The following EYS variants were observed in gnomAD, a reference collection of about 807,000 sequenced individuals.
The protein encoded by EYS is EGF-like photoreceptor maintenance factor, also known as protein eyes shut homolog.
In EYS, 250 loss-of-function variants were observed where a neutral mutation model predicts 282.1. The observed-to-expected ratio is 0.89, with a 90% CI of 0.80 to 0.98. EYS has a LOEUF of 0.98. EYS is among the 50% of genes least tolerant of loss of function. The pLI is 0.00. For missense variants in EYS, 4,016 were observed against 3,709.0 expected (o/e 1.08, Z -2.15); for synonymous variants, 1,355 against 1,282.9 (o/e 1.06, Z -1.20).
chr6:63,773,537 A>C (rs1359164629), intron 40 of EYS, among the ~76,000 whole-genome samples: 3 of 152,216 alleles, frequency 2.0e-5, no homozygotes, highest in Non-Finnish European at 4.4e-5. Flanking sequence ...AGGCAGGTTG[A>C]TAACAGTCAT....
chr6:64,198,221 A>T (rs1765355431), intron 31 of EYS, among the ~76,000 whole-genome samples: 1 of 147,768 alleles, frequency 6.8e-6, no homozygotes, highest in Admixed American at 6.8e-5. Context: ...GTTTGCCAGG[A>T]TGGTCTAGAT....
intron 33 of EYS, among the ~76,000 whole-genome samples, chr6:64,017,587 T>C (rs1222850979): frequency 1.3e-5 from 2 of 152,206 alleles, no homozygotes; most frequent in Non-Finnish European, 2.9e-5. Context: ...GCACATATGC[T>C]GACCTGAAGC....
intron 8 of EYS, among the ~76,000 whole-genome samples, chr6:65,380,832 G>A (rs539348942): frequency 8.5e-5 from 13 of 152,164 alleles, no homozygotes; most frequent in African/African-American, 2.9e-4. Context: ...CCCATCAAAA[G>A]AAGTCATTTA....
intron 36 of EYS, among the ~76,000 whole-genome samples, chr6:63,813,894 T>G (rs1328690059): frequency 1.3e-5 from 2 of 152,188 alleles, no homozygotes; most frequent in African/African-American, 4.8e-5. Context: ...TATCTTGAAA[T>G]ACACATTTAA....
intron 26 of EYS, among the ~76,000 whole-genome samples, chr6:64,470,183 T>C (rs964857926): frequency 1.3e-5 from 2 of 152,138 alleles, no homozygotes; most frequent in African/African-American, 2.4e-5. Context: ...CCAGTTGTCT[T>C]TTCTCTCTTT....
Position 64,308,610 on chromosome 6 carries a change from T to C in EYS, c.6079-1528A>G, listed in dbSNP as rs147404474. 2.4e-3 allele frequency among the ~76,000 whole-genome samples: 361 copies of C among 152,140 alleles called. 1 individual carries two copies. The highest frequency in any genetic ancestry group is 8.3e-3 in the African/African-American group (346 of 41,548). ...TTTTTGAATTAAAATTATACACTAT[T>C]TGCATCTCAAGACTTTGTATCTTAT... On this transcript the variant is annotated intron_variant, in intron 29 of 42. Coordinates refer to ENST00000503581, the MANE Select transcript of EYS (RefSeq NM_001142800.2).
At chr6:64,665,516 G>A (rs1399342660) in intron 22 of EYS, among the ~76,000 whole-genome samples, 3 of 152,028 alleles carry the variant, frequency 2.0e-5, no homozygotes, top group Non-Finnish European at 4.4e-5. Context: ...GTCATTCTAA[G>A]TTTTTTGGAT....
At chr6:64,883,840 T>G (rs1767000814) in intron 19 of EYS, among the ~76,000 whole-genome samples, 2 of 58,074 alleles carry the variant, frequency 3.4e-5, no homozygotes, top group African/African-American at 1.4e-4. Flanking sequence ...ACTACGTGTG[T>G]AAATTTGGAC....
At chr6:65,462,699 A>G (rs1764863207) in intron 5 of EYS, among the ~76,000 whole-genome samples, 1 of 152,034 alleles carries the variant, frequency 6.6e-6, no homozygotes, top group Admixed American at 6.6e-5. Flanking sequence ...AGGAACTTTA[A>G]TGTCTATAAT....
chr6:65,406,077 C>A (rs1403382545), intron 5 of EYS, among the ~76,000 whole-genome samples: 1 of 152,044 alleles, frequency 6.6e-6, no homozygotes, highest in Non-Finnish European at 1.5e-5. Flanking sequence ...TTCTTGCCAA[C>A]ATTTGATATT....
chr6:64,217,658 C>G (rs1168815600), intron 31 of EYS, among the ~76,000 whole-genome samples: 1 of 152,048 alleles, frequency 6.6e-6, no homozygotes, highest in East Asian at 1.9e-4. Context: ...GAGGCCTTTT[C>G]CTATTTTCTC....
intron 24 of EYS, among the ~76,000 whole-genome samples, chr6:64,602,299 A>T (rs1766786511): frequency 6.6e-6 from 1 of 152,184 alleles, no homozygotes; most frequent in South Asian, 2.1e-4. Flanking sequence ...TAGGTTAAAG[A>T]GTTGAGCAAG....
intron 2 of EYS, among the ~76,000 whole-genome samples, chr6:65,633,047 A>G (rs757073799): frequency 8.7e-4 from 133 of 152,304 alleles, no homozygotes; most frequent in Non-Finnish European, 1.1e-3. Context: ...AGTAAATGAG[A>G]AGTCAAAAAG....
At chr6:65,651,791 GTAGT>G (rs573383675) in intron 1 of EYS, among the ~76,000 whole-genome samples, 1 of 152,056 alleles carries the variant, frequency 6.6e-6, no homozygotes, top group African/African-American at 2.4e-5. Context: ...AATTTCTGCT[GTAGT>G]TGTGTAACCA....
At chr6:65,690,630 G>A (rs1014808043) in intron 1 of EYS, among the ~76,000 whole-genome samples, 1 of 149,792 alleles carries the variant, frequency 6.7e-6, no homozygotes, top group South Asian at 2.2e-4. Context: ...CAATAATCAG[G>A]AGCATTTCAT....
At chr6:64,435,807 A>G (rs1293188089) in intron 28 of EYS, among the ~76,000 whole-genome samples, 1 of 151,806 alleles carries the variant, frequency 6.6e-6, no homozygotes, top group African/African-American at 2.4e-5. Context: ...GGGCCATTTT[A>G]ATTTCCTTCT....
intron 1 of EYS, among the ~76,000 whole-genome samples, chr6:65,667,697 T>A (rs183152562): frequency 6.6e-6 from 1 of 151,920 alleles, no homozygotes; most frequent in African/African-American, 2.4e-5. Context: ...GATTGCAAGA[T>A]TGCAAGCTCC....
intron 5 of EYS, among the ~76,000 whole-genome samples, chr6:65,435,576 G>A (rs1423141098): frequency 1.3e-5 from 2 of 151,812 alleles, no homozygotes; most frequent in African/African-American, 4.8e-5. Context: ...TGGGTGAAGG[G>A]CCCATGGAAT....
intron 31 of EYS, among the ~76,000 whole-genome samples, chr6:64,136,776 G>A (rs1177859579): frequency 6.6e-6 from 1 of 152,002 alleles, no homozygotes; most frequent in Non-Finnish European, 1.5e-5. Context: ...TCTAGGCTTT[G>A]TTCTTCCATT....
Sources: gnomAD v4.1 joint callset for allele counts (sites outside exome capture counted in the v4.1 genomes callset) on GRCh38, gnomAD v4.1.1 for gene constraint, MANE v1.5 for transcripts, NCBI Gene and HGNC (gene_info 2026-07-23, HGNC 2026-07-21) for gene names.